COL6A6: variants seen among roughly 807,000 people sequenced by gnomAD.
The protein encoded by COL6A6 is collagen type VI alpha 6 chain.
In COL6A6, 183 loss-of-function variants were observed where a neutral mutation model predicts 208.6. That is an observed-to-expected ratio of 0.88 (90% CI 0.78 to 0.99). The LOEUF is 0.99. COL6A6 is among the 50% of genes least tolerant of loss of function. COL6A6 has a pLI of 0.00. For synonymous variants in COL6A6, 973 were observed against 1,011.8 expected, an observed-to-expected ratio of 0.96 and a Z score of 0.73; for missense variants, 2,816 against 2,815.2, an observed-to-expected ratio of 1.00 and a Z score of -0.01.
Position 130,592,832 on chromosome 3 carries a change from C to CT in COL6A6, c.4371+116dup. ...ACAAATAAAGTTGTCATTGACTTTCCTTTTTTATTGCCAGCCATTTCATTT... is the reference window on the plus strand; with the variant it reads ...ACAAATAAAGTTGTCATTGACTTTCCTTTTTTTATTGCCAGCCATTTCATTT... On this transcript the variant is annotated intron_variant, in intron 15 of 36. Coordinates refer to ENST00000358511, the MANE Select transcript of COL6A6 (RefSeq NM_001102608.3). 4.6e-6 allele frequency: 5 copies of CT among 1,098,114 alleles called. No homozygotes were observed. The South Asian group carries it at 7.7e-5, about 17-fold the overall frequency. The allele number at this position is 1,098,114 out of a possible 1,614,324, so 68.0% of individuals were successfully genotyped here. A position where few individuals can be genotyped will look rare whatever the true frequency, so the allele number is the denominator to read the frequency against.
intron 1 of COL6A6, among the ~76,000 whole-genome samples, chr3:130,553,801 G>A (rs1192022246): frequency 1.3e-5 from 2 of 150,640 alleles, no homozygotes; most frequent in Non-Finnish European, 3.0e-5. Flanking sequence ...TTGAATCCTT[G>A]AAGTTGCTGT....
Position 130,610,715 on chromosome 3 carries a change from T to A in COL6A6, c.4815+4T>A, listed in dbSNP as rs186710022. On this transcript the variant is annotated splice_donor_region_variant and intron_variant, in intron 23 of 36. Transcript: ENST00000358511. ...TGTGGGAAGTAAAGGTCCCCAGGTA[T>A]GTAATGAGAAAAATGATTGCATCTG... 2 of 1,572,992 alleles carry A rather than the reference T, an allele frequency of 1.3e-6. No homozygotes were observed. The highest frequency in any genetic ancestry group is 2.7e-5 in the African/African-American group (2 of 73,954).
chr3:130,626,535 T>G lies in COL6A6; in HGVS notation c.4929T>G (p.Pro1643=), dbSNP rs762408536. The change falls in exon 25 of 37, where the codon CCT becomes CCG. Residue 1643 remains proline, a synonymous_variant. Transcript: ENST00000358511. ...AAGGAGCTGTTGGCTTTCCTGGTCC[T>G]CGTGGCTTGCAGGTTTGTATTTTGA... ...GEKGAVGFPG[P]RGLQGNDGSP... 5 of 1,612,868 alleles carry G rather than the reference T, an allele frequency of 3.1e-6. 1 individual carries two copies. In the South Asian group the frequency reaches 5.5e-5, roughly 18 times the overall value.
intron 1 of COL6A6, among the ~76,000 whole-genome samples, chr3:130,555,426 T>C (rs2062745212): frequency 6.6e-6 from 1 of 152,168 alleles, no homozygotes; most frequent in Non-Finnish European, 1.5e-5. Context: ...GCTCTGAAGG[T>C]CTGAGAGTGT....
At chr3:130,650,457 C>T (rs1335797423) in intron 33 of COL6A6, among the ~76,000 whole-genome samples, 1 of 152,016 alleles carries the variant, frequency 6.6e-6, no homozygotes, top group Non-Finnish European at 1.5e-5. Context: ...CCCGTCTCTA[C>T]TAAAAATACA....
In COL6A6 at chr3:130,540,516, A is replaced by C. The variant is rs141284788; in HGVS notation, c.-31-19818A>C. Among the ~76,000 whole-genome samples, 372 of 152,274 alleles carry C rather than the reference A, an allele frequency of 2.4e-3. 1 individual carries two copies. Among genetic ancestry groups the C allele is most frequent in the African/African-American group, 8.4e-3 (350 of 41,546 alleles). ...TTTTCTTTTTTAAAAAATTTAATTA[A>C]GCTCCAGGATACATTGCAGGATGTG... On this transcript the variant is annotated intron_variant, in intron 1 of 36. Coordinates refer to ENST00000358511, the MANE Select transcript of COL6A6 (RefSeq NM_001102608.3).
At chr3:130,618,428 A>G (rs2064602820) in intron 23 of COL6A6, among the ~76,000 whole-genome samples, 1 of 152,248 alleles carries the variant, frequency 6.6e-6, no homozygotes, top group African/African-American at 2.4e-5. Context: ...ATTACATCAA[A>G]GCCAAAGAAG....
At chr3:130,550,517 T>C (rs1006865790) in intron 1 of COL6A6, among the ~76,000 whole-genome samples, 1 of 152,206 alleles carries the variant, frequency 6.6e-6, no homozygotes, top group Admixed American at 6.5e-5. Context: ...AAAAAGAGGT[T>C]TAATTGCACT....
intron 17 of COL6A6, among the ~76,000 whole-genome samples, chr3:130,593,507 T>C (rs1197502966): frequency 2.0e-5 from 3 of 152,168 alleles, no homozygotes; most frequent in African/African-American, 7.2e-5. Flanking sequence ...GACCAGGAGC[T>C]AGCCTAACCA....
At chr3:130,625,221 A>G (rs1024146186) in intron 24 of COL6A6, among the ~76,000 whole-genome samples, 2 of 152,170 alleles carry the variant, frequency 1.3e-5, no homozygotes, top group African/African-American at 4.8e-5. Flanking sequence ...CTTCCCTTAT[A>G]TAGAATCCTA....
intron 19 of COL6A6, among the ~76,000 whole-genome samples, chr3:130,598,726 A>G (rs1162300637): frequency 3.3e-5 from 5 of 152,212 alleles, no homozygotes; most frequent in Non-Finnish European, 7.3e-5. Context: ...GGGCTAGCTG[A>G]TAGAAAGAAC....
At chr3:130,606,846 C>A in intron 20 of COL6A6, 85 bp from the exon 21 acceptor site, 1 of 1,027,636 alleles carries the variant, frequency 9.7e-7, no homozygotes, top group Non-Finnish European at 1.5e-6. Flanking sequence ...TATGTTGGTG[C>A]CTTAAAGTGT....
chr3:130,584,598 TA>T (rs2063494634), intron 10 of COL6A6, among the ~76,000 whole-genome samples: 1 of 151,984 alleles, frequency 6.6e-6, no homozygotes, highest in South Asian at 2.1e-4. Context: ...TTTCTTTTTT[TA>T]TTTTTTTTAT....
intron 21 of COL6A6, among the ~76,000 whole-genome samples, 178 bp from the exon 22 acceptor site, chr3:130,608,724 T>C (rs2064259456): frequency 6.6e-6 from 1 of 150,686 alleles, no homozygotes; most frequent in Non-Finnish European, 1.5e-5. Flanking sequence ...GATGAGATTA[T>C]AGATTTTTAT....
intron 1 of COL6A6, among the ~76,000 whole-genome samples, chr3:130,547,420 C>G (rs1226387280): frequency 1.3e-5 from 2 of 152,256 alleles, no homozygotes; most frequent in African/African-American, 4.8e-5. Flanking sequence ...TGCACACAGC[C>G]CTTGGTTCTG....
chr3:130,658,314 T>G (rs2065849519), intron 33 of COL6A6, among the ~76,000 whole-genome samples: 1 of 152,224 alleles, frequency 6.6e-6, no homozygotes, highest in South Asian at 2.1e-4. Flanking sequence ...CATAACTCAC[T>G]GTATTGCTGC....
intron 8 of COL6A6, among the ~76,000 whole-genome samples, chr3:130,577,513 G>A (rs1054129852): frequency 2.6e-5 from 4 of 152,214 alleles, no homozygotes; most frequent in African/African-American, 9.7e-5. Flanking sequence ...TATTCCCTAA[G>A]GAAACCACTT....
chr3:130,581,832 A>ATCTCT lies in COL6A6; in HGVS notation c.3824_3828dup (p.Asn1277PhefsTer51). ...TGAAGGATATAACAGTTAAAGGACC[A>ATCTCT]TCTCTTCTCAATGCAAACCTCTTGG... On this transcript the variant is annotated frameshift_variant, in exon 9 of 37. Transcript: ENST00000358511. LOFTEE classifies it high-confidence loss of function. 6.2e-7 allele frequency: 1 copy of ATCTCT among 1,613,552 alleles called. No individual in the cohort carries two copies. The highest frequency in any genetic ancestry group is 8.5e-7 in the Non-Finnish European group (1 of 1,179,470).
chr3:130,645,483 G>A (rs1159944574), intron 32 of COL6A6, among the ~76,000 whole-genome samples: 3 of 152,058 alleles, frequency 2.0e-5, no homozygotes, highest in Non-Finnish European at 4.4e-5. Flanking sequence ...TTGCCATGTT[G>A]CCCAGGCTGG....
Sources: allele counts gnomAD v4.1 joint callset (sites outside exome capture counted in the v4.1 genomes callset), GRCh38; gene constraint gnomAD v4.1.1; transcripts MANE v1.5; gene names NCBI Gene and HGNC (gene_info 2026-07-23, HGNC 2026-07-21).